Variants in MYO1B observed in about 807,000 individuals in gnomAD.
The protein encoded by MYO1B is myosin IB.
In MYO1B, 72 loss-of-function variants were observed where a neutral mutation model predicts 159.7. That is an observed-to-expected ratio of 0.45 (90% confidence interval 0.37 to 0.55). The LOEUF is 0.55. MYO1B is among the 20% of genes least tolerant of loss of function. The pLI is 0.00. For missense variants in MYO1B, 1,062 were observed against 1,364.8 expected (o/e 0.78, Z 3.50); for synonymous variants, 468 against 473.8 (o/e 0.99, Z 0.16).
intron 2 of MYO1B, among the ~76,000 whole-genome samples, chr2:191,289,262 C>G (rs191524432): frequency 6.6e-6 from 1 of 152,198 alleles, no homozygotes; most frequent in South Asian, 2.1e-4. Context: ...GTTCTTCTTG[C>G]GTGCTTTTTA....
intron 3 of MYO1B, among the ~76,000 whole-genome samples, chr2:191,306,078 A>C (rs1689634521): frequency 6.6e-6 from 1 of 152,216 alleles, no homozygotes; most frequent in Non-Finnish European, 1.5e-5. Context: ...AGAGACGTTA[A>C]TAAAACAAAT....
At chr2:191,291,645 C>A (rs1158738451) in intron 2 of MYO1B, among the ~76,000 whole-genome samples, 4 of 152,160 alleles carry the variant, frequency 2.6e-5, no homozygotes, top group African/African-American at 9.7e-5. Flanking sequence ...CCTAGAAATG[C>A]CTGGGCTGGT....
At chr2:191,391,161 A>T (rs1483695404) in intron 18 of MYO1B, among the ~76,000 whole-genome samples, 2 of 152,188 alleles carry the variant, frequency 1.3e-5, no homozygotes, top group African/African-American at 2.4e-5. Context: ...ATCAAGCCTT[A>T]TTCCTTCTGC....
At chr2:191,381,666 G>A in intron 14 of MYO1B, 100 bp downstream of exon 14, 1 of 800,880 alleles carries the variant, frequency 1.2e-6, no homozygotes, top group Admixed American at 2.2e-5. Context: ...ATATTCAAAA[G>A]GCTACATACT....
intron 3 of MYO1B, among the ~76,000 whole-genome samples, chr2:191,300,727 GA>G (rs1689276120): frequency 7.2e-6 from 1 of 138,056 alleles, no homozygotes; most frequent in Non-Finnish European, 1.5e-5. Flanking sequence ...CCTACCTCCT[GA>G]GTAGGTAGGT....
At position 191,272,480 on chromosome 2, in the gene MYO1B, A is replaced by C. The variant is rs577313418; in HGVS notation, c.-9-4407A>C. On this transcript the variant is annotated intron_variant, in intron 1 of 30. Transcript: ENST00000392318. ...GTAAGAAGCAGTAGAGTGAGGTGGC[A>C]CCTCTCCTGGGCTACATCTGCATGG... Among the ~76,000 whole-genome samples, 54 of 152,250 alleles carry C rather than the reference A, an allele frequency of 3.5e-4. 1 individual carries two copies. The highest frequency in any genetic ancestry group is 1.3e-3 in the African/African-American group (54 of 41,550).
intron 2 of MYO1B, among the ~76,000 whole-genome samples, chr2:191,277,582 TAGG>T: frequency 6.6e-6 from 1 of 152,350 alleles, no homozygotes; most frequent in South Asian, 2.1e-4. Context: ...TATGCTATAA[TAGG>T]AGAAAATTTC....
At chr2:191,399,111 C>T (rs903541789) in intron 21 of MYO1B, among the ~76,000 whole-genome samples, 4 of 151,834 alleles carry the variant, frequency 2.6e-5, no homozygotes, top group Non-Finnish European at 4.4e-5. Context: ...CAAAAAAAAA[C>T]GAAAACCAGT....
At chr2:191,388,457 A>T (rs1695535087) in intron 17 of MYO1B, among the ~76,000 whole-genome samples, 1 of 152,300 alleles carries the variant, frequency 6.6e-6, no homozygotes, top group African/African-American at 2.4e-5. Context: ...TTCATAGAGC[A>T]CACCCATACC....
chr2:191,274,437 A>G (rs940427232), intron 1 of MYO1B, among the ~76,000 whole-genome samples: 4 of 152,216 alleles, frequency 2.6e-5, no homozygotes, highest in Non-Finnish European at 4.4e-5. Flanking sequence ...GTCTTTCTGC[A>G]GCTGTTCCTA....
chr2:191,290,618 T>C (rs1017968429), intron 2 of MYO1B, among the ~76,000 whole-genome samples: 2 of 152,240 alleles, frequency 1.3e-5, no homozygotes, highest in African/African-American at 4.8e-5. Context: ...TGCACATAAA[T>C]AGACATACAT....
In MYO1B at chr2:191,402,689, G is replaced by C. The variant is rs548451782; in HGVS notation, c.2527G>C (p.Val843Leu). The C allele has an allele frequency of 6.2e-7, 1 of 1,613,632 alleles. No homozygotes were observed. Among genetic ancestry groups the C allele is most frequent in the Non-Finnish European group, 8.5e-7 (1 of 1,179,758 alleles). ...EEARRKHAVA[V>L]IWAYWLGLKV... ...GGCTAGGCGTAAGCATGCAGTTGCT[G>C]TCATTTGGGCTTACTGGCTTGGACT... Residue 843 changes from valine (V) to leucine (L), a missense_variant, in exon 24 of 31, where the codon GTC becomes CTC. This residue lies in a region of MYO1B where 609 missense variants were observed against 744.4 expected (regional missense o/e 0.82). Coordinates refer to ENST00000392318, the MANE Select transcript of MYO1B (RefSeq NM_001130158.3).
chr2:191,384,167 G>A (rs566601440), intron 15 of MYO1B, among the ~76,000 whole-genome samples: 1 of 152,312 alleles, frequency 6.6e-6, no homozygotes, highest in South Asian at 2.1e-4. Context: ...GTAGTTTATT[G>A]TAAATGAATT....
At chr2:191,260,538 T>C (rs1474435744) in intron 1 of MYO1B, among the ~76,000 whole-genome samples, 1 of 152,118 alleles carries the variant, frequency 6.6e-6, no homozygotes, top group East Asian at 1.9e-4. Context: ...AGAGAGTGAA[T>C]GTCAGATTTC....
intron 3 of MYO1B, among the ~76,000 whole-genome samples, chr2:191,298,858 C>T (rs1386318063): frequency 6.6e-6 from 1 of 152,050 alleles, no homozygotes; most frequent in Non-Finnish European, 1.5e-5. Flanking sequence ...GGAGTGGAGC[C>T]GGGGTATTAA....
intron 14 of MYO1B, 106 bp downstream of exon 14, chr2:191,381,672 A>C: frequency 1.3e-6 from 1 of 742,514 alleles, no homozygotes; most frequent in Non-Finnish European, 2.2e-6. Flanking sequence ...AAAAGGCTAC[A>C]TACTGTATGA....
intron 3 of MYO1B, among the ~76,000 whole-genome samples, chr2:191,312,534 CATTG>C (rs777070203): frequency 8.5e-4 from 129 of 152,212 alleles, no homozygotes; most frequent in Non-Finnish European, 1.5e-3. Context: ...TTATGTATCT[CATTG>C]ATTGTTTCCT....
At chr2:191,355,342 T>G (rs907168627) in intron 7 of MYO1B, among the ~76,000 whole-genome samples, 1 of 152,228 alleles carries the variant, frequency 6.6e-6, no homozygotes, top group Non-Finnish European at 1.5e-5. Context: ...TGTTTTAAGC[T>G]GCTGAGTTTT....
intron 1 of MYO1B, among the ~76,000 whole-genome samples, chr2:191,251,497 T>G (rs188278701): frequency 1.3e-5 from 2 of 152,252 alleles, no homozygotes; most frequent in African/African-American, 4.8e-5. Flanking sequence ...GGCCTGTCTT[T>G]CCTTGATAGC....
Sources: allele counts gnomAD v4.1 joint callset (sites outside exome capture counted in the v4.1 genomes callset), GRCh38; gene constraint gnomAD v4.1.1; regional missense constraint gnomAD v4.1.1; transcripts MANE v1.5; gene names NCBI Gene and HGNC (gene_info 2026-07-23, HGNC 2026-07-21).